CBLB: variants seen among roughly 807,000 people sequenced by gnomAD.
CBLB encodes the protein Cbl proto-oncogene B, also known as E3 ubiquitin-protein ligase CBL-B.
CBLB carries 31 observed loss-of-function variants against 104.9 expected under a neutral mutation model. The observed-to-expected ratio is 0.30, with a 90% confidence interval of 0.22 to 0.40. The LOEUF is 0.40. CBLB is among the 10% of genes least tolerant of loss of function. CBLB has a pLI of 1.00. For missense variants in CBLB, 1,062 were observed against 1,214.6 expected, an observed-to-expected ratio of 0.87 and a Z score of 1.87; for synonymous variants, 440 against 422.6, an observed-to-expected ratio of 1.04 and a Z score of -0.51.
At chr3:105,687,860 T>C (rs2067200380) in intron 13 of CBLB, among the ~76,000 whole-genome samples, 1 of 151,098 alleles carries the variant, frequency 6.6e-6, no homozygotes, top group Non-Finnish European at 1.5e-5. Flanking sequence ...CAGAAGAGGA[T>C]GGTACAAATG....
At chr3:105,661,530 T>C (rs1230084566) in intron 18 of CBLB, among the ~76,000 whole-genome samples, 6 of 152,224 alleles carry the variant, frequency 3.9e-5, no homozygotes, top group African/African-American at 1.4e-4. Flanking sequence ...TACCTAGACT[T>C]AGAAAACAAT....
At chr3:105,691,443 C>T (rs1273218224) in intron 13 of CBLB, among the ~76,000 whole-genome samples, 1 of 152,176 alleles carries the variant, frequency 6.6e-6, no homozygotes, top group Non-Finnish European at 1.5e-5. Context: ...ATTTGTTATT[C>T]TTGCTTCATT....
intron 18 of CBLB, among the ~76,000 whole-genome samples, chr3:105,665,458 T>C (rs939808498): frequency 2.3e-4 from 32 of 136,728 alleles, no homozygotes; most frequent in African/African-American, 4.5e-4. Context: ...CACACACACA[T>C]ATATATACAC....
intron 17 of CBLB, among the ~76,000 whole-genome samples, chr3:105,676,399 T>A (rs1365652536): frequency 6.6e-6 from 1 of 152,116 alleles, no homozygotes; most frequent in Non-Finnish European, 1.5e-5. Context: ...GGTAAAAGTG[T>A]GTATTTGTGT....
At chr3:105,758,040 G>A (rs946537517) in intron 4 of CBLB, among the ~76,000 whole-genome samples, 32 of 152,092 alleles carry the variant, frequency 2.1e-4, no homozygotes, top group African/African-American at 6.3e-4. Context: ...AAATATTAGC[G>A]CTGTGATTCC....
chr3:105,670,116 T>C (rs2064907229), intron 18 of CBLB, 117 bp downstream of exon 18: 2 of 927,714 alleles, frequency 2.2e-6, no homozygotes, highest in East Asian at 2.5e-5. Flanking sequence ...ATGATCAAAA[T>C]ACTTTCTTGG....
At chr3:105,663,935 G>A (rs1483234772) in intron 18 of CBLB, among the ~76,000 whole-genome samples, 3 of 147,414 alleles carry the variant, frequency 2.0e-5, no homozygotes, top group Admixed American at 1.4e-4. Context: ...CAAAAGGCCC[G>A]TAGGCAGACC....
chr3:105,778,072 T>C (rs1038073397), intron 3 of CBLB, among the ~76,000 whole-genome samples: 1 of 152,084 alleles, frequency 6.6e-6, no homozygotes, highest in Non-Finnish European at 1.5e-5. Context: ...CTTCAGCTAT[T>C]ATGCATGTGT....
At chr3:105,746,254 A>G (rs1208335969) in intron 5 of CBLB, among the ~76,000 whole-genome samples, 1 of 152,230 alleles carries the variant, frequency 6.6e-6, no homozygotes, top group Non-Finnish European at 1.5e-5. Context: ...CAGATTTTTC[A>G]GGAAGAGAAT....
intron 3 of CBLB, among the ~76,000 whole-genome samples, chr3:105,801,944 T>C (rs1686741068): frequency 6.6e-6 from 1 of 152,172 alleles, no homozygotes; most frequent in Non-Finnish European, 1.5e-5. Flanking sequence ...TTGCCTGGAT[T>C]CTAAAAGGGA....
chr3:105,834,056 T>C (rs6437621), intron 3 of CBLB, among the ~76,000 whole-genome samples: 31,301 of 98,342 alleles, frequency 0.32, 3,425 homozygotes, highest in East Asian at 0.49. Flanking sequence ...TCAACAACCT[T>C]AAAAAATATA....
At chr3:105,741,710 T>C (rs887465027) in intron 6 of CBLB, among the ~76,000 whole-genome samples, 1 of 151,284 alleles carries the variant, frequency 6.6e-6, no homozygotes, top group African/African-American at 2.4e-5. Context: ...TTTGTATTTT[T>C]AATAGAGACC....
intron 3 of CBLB, among the ~76,000 whole-genome samples, chr3:105,780,648 GTTTTGTT>G (rs1560208517): frequency 3.5e-4 from 37 of 105,044 alleles, no homozygotes; most frequent in East Asian, 1.1e-3. Flanking sequence ...TACAATAAAA[GTTTTGTT>G]TTTTGTTTTT....
chr3:105,816,529 T>C (rs139106933), intron 3 of CBLB, among the ~76,000 whole-genome samples: 4 of 152,228 alleles, frequency 2.6e-5, no homozygotes, highest in African/African-American at 9.6e-5. Flanking sequence ...CTAATCCCTA[T>C]GATAAGAAGT....
intron 13 of CBLB, among the ~76,000 whole-genome samples, chr3:105,690,407 T>TA (rs1450666667): frequency 6.6e-6 from 1 of 152,092 alleles, no homozygotes; most frequent in Non-Finnish European, 1.5e-5. Context: ...CAGTATCCTT[T>TA]AAAAAAACAC....
intron 3 of CBLB, among the ~76,000 whole-genome samples, chr3:105,779,829 T>C (rs2079954851): frequency 6.6e-6 from 1 of 152,150 alleles, no homozygotes; most frequent in Non-Finnish European, 1.5e-5. Flanking sequence ...CTTTCTTTAT[T>C]CCCCATCCCA....
intron 3 of CBLB, among the ~76,000 whole-genome samples, chr3:105,804,310 G>A (rs148718578): frequency 6.7e-6 from 1 of 149,996 alleles, no homozygotes; most frequent in Non-Finnish European, 1.5e-5. Flanking sequence ...CACAAGGCCA[G>A]GAGTTCAAGA....
At chr3:105,692,884 T>C (rs1241065534) in intron 13 of CBLB, among the ~76,000 whole-genome samples, 1 of 149,342 alleles carries the variant, frequency 6.7e-6, no homozygotes, top group Non-Finnish European at 1.5e-5. Context: ...ATATCTAGTG[T>C]GCCTCTGGGG....
intron 14 of CBLB, among the ~76,000 whole-genome samples, chr3:105,683,464 A>G (rs1394293476): frequency 6.6e-6 from 1 of 152,202 alleles, no homozygotes; most frequent in East Asian, 1.9e-4. Context: ...TTTATTTTCA[A>G]GATTTGGGAG....
Sources: gnomAD v4.1 joint callset for allele counts (sites outside exome capture counted in the v4.1 genomes callset) on GRCh38, gnomAD v4.1.1 for gene constraint, MANE v1.5 for transcripts, NCBI Gene and HGNC (gene_info 2026-07-23, HGNC 2026-07-21) for gene names.